Variants in TENM1 observed in about 807,000 individuals in gnomAD.
The protein encoded by TENM1 is teneurin-1.
A neutral mutation model predicts 174.8 loss-of-function variants in TENM1; 35 were observed. The ratio of observed to expected loss-of-function variants is 0.20; its 90% CI spans 0.15 to 0.27. TENM1 has a LOEUF of 0.27. TENM1 is among the 10% of genes least tolerant of loss of function. The pLI is 1.00. For synonymous variants in TENM1, 781 were observed against 798.7 expected (o/e 0.98, Z 0.37); for missense variants, 1,633 against 2,130.1 (o/e 0.77, Z 4.59).
At chrX:125,194,606 A>G in the TENM1 span, among the ~76,000 whole-genome samples, 1 of 112,034 alleles carries the variant, frequency 8.9e-6, no homozygotes, top group Non-Finnish European at 1.9e-5. Flanking sequence ...ACCATTTTCT[A>G]GGATTATCTC....
rs149294469 is a variant in TENM1, at chrX:124,402,983, T to C, written c.5391+2048A>G. ...GGTCCTATTTCTCAAAGAATTCCGA[T>C]AGAAATCTTTACTGCTACCCACACA... is the stretch of plus-strand genomic sequence containing the variant. On this transcript the variant is annotated intron_variant, in intron 27 of 31. Transcript: ENST00000422452. Among the ~76,000 whole-genome samples the C allele has an allele frequency of 2.5e-3, 280 of 111,794 alleles. 2 individuals are homozygous for C. Among genetic ancestry groups the C allele is most frequent in the African/African-American group, 8.6e-3 (263 of 30,750 alleles).
the TENM1 span, among the ~76,000 whole-genome samples, chrX:125,038,833 A>T: frequency 4.7e-4 from 53 of 112,045 alleles, no homozygotes; most frequent in African/African-American, 1.7e-3. Flanking sequence ...GACTGCTAGG[A>T]CCGCCAGTGG....
intron 22 of TENM1, among the ~76,000 whole-genome samples, chrX:124,455,013 T>A (rs2061089235): frequency 8.9e-6 from 1 of 112,449 alleles, no homozygotes; most frequent in African/African-American, 3.2e-5. Flanking sequence ...TAGAGTCATT[T>A]TATAAACTCA....
chrX:124,786,613 A>G (rs1021438726), intron 3 of TENM1, among the ~76,000 whole-genome samples: 4 of 112,237 alleles, frequency 3.6e-5, no homozygotes, highest in Non-Finnish European at 7.5e-5. Flanking sequence ...TATCCAAGTG[A>G]AAGGGCTTAA....
chrX:125,060,552 G>C, the TENM1 span, among the ~76,000 whole-genome samples: 12 of 111,144 alleles, frequency 1.1e-4, 1 homozygote, highest in Admixed American at 1.9e-4. Flanking sequence ...TATACAATGT[G>C]TTGAAAAACT....
At chrX:124,471,231 CTATATATAATATATAATAA>C (rs1312730813) in intron 22 of TENM1, among the ~76,000 whole-genome samples, 2 of 57,423 alleles carry the variant, frequency 3.5e-5, no homozygotes. Flanking sequence ...ATATATAGTA[CTATATATAATATATAATAA>C]TATATATTAT....
At chrX:124,838,751 TTCTC>T (rs1183227138) in intron 3 of TENM1, among the ~76,000 whole-genome samples, 1 of 111,058 alleles carries the variant, frequency 9.0e-6, no homozygotes, top group Non-Finnish European at 1.9e-5. Flanking sequence ...GAAAAAAGTG[TTCTC>T]TCTCTGTCTC....
chrX:125,055,759 T>C, the TENM1 span, among the ~76,000 whole-genome samples: 1 of 111,641 alleles, frequency 9.0e-6, no homozygotes, highest in East Asian at 2.8e-4. Flanking sequence ...ATTATAAACC[T>C]GAACAATTAT....
At chrX:124,723,591 GTTTTTTTTTTTGTTT>G (rs1409307149) in intron 4 of TENM1, among the ~76,000 whole-genome samples, 3 of 86,909 alleles carry the variant, frequency 3.5e-5, no homozygotes, top group African/African-American at 1.3e-4. Context: ...TATCTGGTGG[GTTTTTTTTTTTGTTT>G]TTTTTTTTTT....
intron 23 of TENM1, among the ~76,000 whole-genome samples, chrX:124,439,550 C>A (rs187242872): frequency 9.0e-6 from 1 of 111,727 alleles, no homozygotes; most frequent in Non-Finnish European, 1.9e-5. Context: ...GGGAAGGTCA[C>A]AGCAGGTTAA....
intron 11 of TENM1, among the ~76,000 whole-genome samples, chrX:124,580,767 T>C (rs2049285261): frequency 9.0e-6 from 1 of 110,852 alleles, no homozygotes; most frequent in Admixed American, 9.7e-5. Flanking sequence ...CACATGCAGG[T>C]TTGTTACCTA....
At chrX:124,836,940 A>G (rs1426415419) in intron 3 of TENM1, among the ~76,000 whole-genome samples, 1 of 111,366 alleles carries the variant, frequency 9.0e-6, no homozygotes, top group Non-Finnish European at 1.9e-5. Flanking sequence ...CTCTTACACT[A>G]CCAATGTCAG....
chrX:124,841,933 G>A (rs1485454749), intron 3 of TENM1, among the ~76,000 whole-genome samples: 2 of 112,041 alleles, frequency 1.8e-5, no homozygotes, highest in Non-Finnish European at 3.8e-5. Context: ...CTTTTTTTGT[G>A]GTTTTTCAAT....
intron 3 of TENM1, among the ~76,000 whole-genome samples, chrX:124,848,436 G>C (rs1004914342): frequency 1.6e-4 from 18 of 111,242 alleles, no homozygotes; most frequent in African/African-American, 5.9e-4. Flanking sequence ...TTTTGGAAAA[G>C]ACCTTAATGT....
chrX:124,512,738 ACT>A (rs1260563800), intron 18 of TENM1, among the ~76,000 whole-genome samples: 2 of 111,293 alleles, frequency 1.8e-5, no homozygotes, highest in East Asian at 5.7e-4. Context: ...GTCTCTCAAC[ACT>A]CTATTCTTCT....
the TENM1 span, among the ~76,000 whole-genome samples, chrX:125,044,563 C>A: frequency 1.4e-4 from 15 of 110,920 alleles, no homozygotes; most frequent in African/African-American, 4.9e-4. Context: ...GCACTCCAGT[C>A]TGGGCGACAG....
At chrX:124,857,471 C>T (rs1027889349) in intron 3 of TENM1, among the ~76,000 whole-genome samples, 16 of 110,956 alleles carry the variant, frequency 1.4e-4, no homozygotes, top group Non-Finnish European at 2.7e-4. Flanking sequence ...ACATGCAAAG[C>T]GATAAAAGCC....
At chrX:124,755,174 G>T (rs997825191) in intron 3 of TENM1, among the ~76,000 whole-genome samples, 4 of 104,567 alleles carry the variant, frequency 3.8e-5, no homozygotes, top group African/African-American at 1.5e-4. Context: ...GGGTGCTCCT[G>T]TATTGGGTGC....
chrX:124,422,651 C>T lies in TENM1; in HGVS notation c.4105-13G>A, dbSNP rs755272686. The T allele has an allele frequency of 8.3e-7, 1 of 1,200,679 alleles. No individual in the cohort carries two copies. Among genetic ancestry groups the T allele is most frequent in the African/African-American group, 1.7e-5 (1 of 57,509 alleles). ...ACTCTAATCGCACCTGTGAAACGAACAGAACACATACCATTAGGTTACCAT... is the reference window on the plus strand; with the variant it reads ...ACTCTAATCGCACCTGTGAAACGAATAGAACACATACCATTAGGTTACCAT... On this transcript the variant is annotated splice_polypyrimidine_tract_variant and intron_variant, in intron 23 of 31. Coordinates refer to ENST00000422452, the Ensembl canonical transcript of TENM1.
Sources: gnomAD v4.1 joint callset for allele counts (sites outside exome capture counted in the v4.1 genomes callset) on GRCh38, gnomAD v4.1.1 for gene constraint, MANE v1.5 for transcripts, NCBI Gene and HGNC (gene_info 2026-07-23, HGNC 2026-07-21) for gene names.